MAD1L1: variants seen among roughly 807,000 people sequenced by gnomAD.
MAD1L1 encodes mitotic arrest deficient 1 like 1.
MAD1L1 carries 95 observed loss-of-function variants against 96.9 expected under a neutral mutation model. The observed-to-expected ratio is 0.98, with a 90% confidence interval of 0.83 to 1.16. The LOEUF (loss-of-function observed/expected upper bound fraction) is 1.16. Ranked by LOEUF, MAD1L1 falls within the 50% of genes most tolerant of loss-of-function variation. The pLI is 0.00. For missense variants in MAD1L1, 1,007 were observed against 954.4 expected (o/e 1.06, Z -0.73); for synonymous variants, 473 against 396.6 (o/e 1.19, Z -2.29).
intron 11 of MAD1L1, among the ~76,000 whole-genome samples, chr7:2,134,542 G>A (rs763481718): frequency 4.6e-5 from 7 of 152,156 alleles, no homozygotes; most frequent in South Asian, 2.1e-4. Context: ...TCCTTGCCTC[G>A]TGCCTGATCT....
chr7:1,980,698 G>C (rs956562721), intron 14 of MAD1L1, 157 bp from the exon 15 acceptor site: 9 of 714,964 alleles, frequency 1.3e-5, no homozygotes, highest in Non-Finnish European at 2.1e-5. Flanking sequence ...GAAGCTGCCA[G>C]GCCAGACAGC....
At chr7:1,914,496 G>C (rs1162992550) in intron 17 of MAD1L1, among the ~76,000 whole-genome samples, 4 of 152,254 alleles carry the variant, frequency 2.6e-5, no homozygotes, top group Admixed American at 2.0e-4. Flanking sequence ...CTGGGAGCCA[G>C]AAAAGGCCGG....
chr7:1,966,901 A>G (rs1780194287), intron 15 of MAD1L1, among the ~76,000 whole-genome samples: 1 of 152,242 alleles, frequency 6.6e-6, no homozygotes, highest in Admixed American at 6.5e-5. Flanking sequence ...CCCGAGGGAA[A>G]CCGTGAGGAA....
intron 12 of MAD1L1, among the ~76,000 whole-genome samples, chr7:2,043,139 G>A (rs1443913079): frequency 1.3e-5 from 2 of 152,198 alleles, no homozygotes; most frequent in Non-Finnish European, 2.9e-5. Context: ...GTAAGGGGGG[G>A]CCTGAATGGA....
chr7:1,921,184 C>T (rs1788772338), intron 17 of MAD1L1, among the ~76,000 whole-genome samples: 1 of 152,240 alleles, frequency 6.6e-6, no homozygotes, highest in Non-Finnish European at 1.5e-5. Context: ...GGAGGCGGCC[C>T]TGAGGCGCCC....
chr7:2,154,263 C>T (rs1413671676), intron 10 of MAD1L1, among the ~76,000 whole-genome samples: 1 of 152,218 alleles, frequency 6.6e-6, no homozygotes, highest in Non-Finnish European at 1.5e-5. Flanking sequence ...CACGTCTTCA[C>T]TCATGGGAGC....
In MAD1L1 at chr7:2,014,588, C is replaced by A. The variant is rs34682749; in HGVS notation, c.1273G>T (p.Ala425Ser). The change falls in exon 13 of 19, where the codon GCC becomes TCC. Residue 425 changes from alanine (A) to serine (S), a missense_variant. Transcript: ENST00000265854. ...CGCGTCAGCTGGGGTGAGTACTCGGCCGGGGTCAGCTCGCTGTCGTAGGAC... is the reference window on the plus strand; with the variant it reads ...CGCGTCAGCTGGGGTGAGTACTCGGACGGGGTCAGCTCGCTGTCGTAGGAC... The part of the protein sequence containing the change: ...LGSYDSELTP[A>S]EYSPQLTRRM... 6 of 1,612,384 alleles carry A rather than the reference C, an allele frequency of 3.7e-6. No individual in the cohort carries two copies. The highest frequency in any genetic ancestry group is 5.1e-6 in the Non-Finnish European group (6 of 1,179,774).
intron 11 of MAD1L1, among the ~76,000 whole-genome samples, chr7:2,147,196 G>C (rs957260783): frequency 2.0e-5 from 3 of 152,216 alleles, no homozygotes; most frequent in Non-Finnish European, 2.9e-5. Flanking sequence ...GAGATGAAGA[G>C]AGGACCAGGT....
At chr7:2,132,889 G>C (rs911494757) in intron 11 of MAD1L1, among the ~76,000 whole-genome samples, 1 of 152,200 alleles carries the variant, frequency 6.6e-6, no homozygotes, top group African/African-American at 2.4e-5. Flanking sequence ...GAGGGGTTTG[G>C]GCCATGGGGG....
At position 2,128,463 on chromosome 7, in the gene MAD1L1, C is replaced by T. The variant is rs373215759; in HGVS notation, c.1073+20689G>A. Among the ~76,000 whole-genome samples the T allele has an allele frequency of 1.4e-4, 21 of 152,244 alleles. No individual in the cohort carries two copies. The South Asian group carries it at 1.7e-3, about 12-fold the overall frequency. Reference sequence around the variant, plus strand: ...CGGGAGTCACAAAAAGCACAGAACACGAACAGGAAGGCTGCTTCTGGAAGA... The same window carrying T: ...CGGGAGTCACAAAAAGCACAGAACATGAACAGGAAGGCTGCTTCTGGAAGA... On this transcript the variant is annotated intron_variant, in intron 11 of 18. Transcript: ENST00000265854.
chr7:2,118,797 TC>T (rs1787840952), intron 11 of MAD1L1, among the ~76,000 whole-genome samples: 1 of 152,124 alleles, frequency 6.6e-6, no homozygotes, highest in Non-Finnish European at 1.5e-5. Flanking sequence ...AAAAGCCACG[TC>T]ATATCTCACA....
At chr7:2,126,116 C>T (rs150264407) in intron 11 of MAD1L1, among the ~76,000 whole-genome samples, 106 of 152,334 alleles carry the variant, frequency 7.0e-4, no homozygotes, top group African/African-American at 2.3e-3. Context: ...TCCTGCCAGG[C>T]GGCCCTCCTG....
chr7:2,085,989 C>T (rs1038788749), intron 11 of MAD1L1, among the ~76,000 whole-genome samples: 13 of 152,186 alleles, frequency 8.5e-5, no homozygotes, highest in Non-Finnish European at 2.9e-5. Context: ...TGTATGAAGG[C>T]CTGGAGGATG....
At chr7:2,007,345 C>T (rs1437497406) in intron 13 of MAD1L1, among the ~76,000 whole-genome samples, 2 of 152,222 alleles carry the variant, frequency 1.3e-5, no homozygotes, top group Admixed American at 6.5e-5. Context: ...CTGGACCCCG[C>T]GTGTTGCCAC....
intron 11 of MAD1L1, among the ~76,000 whole-genome samples, chr7:2,075,408 C>T (rs966026636): frequency 6.6e-6 from 1 of 151,446 alleles, no homozygotes; most frequent in African/African-American, 2.5e-5. Flanking sequence ...GGGCTCTCCC[C>T]TGTTGGGGAT....
chr7:1,860,060 T>A (rs1784458440), intron 18 of MAD1L1, among the ~76,000 whole-genome samples: 1 of 138,184 alleles, frequency 7.2e-6, no homozygotes, highest in South Asian at 2.5e-4. Context: ...AGACCTGACA[T>A]CTGGCGGGGC....
chr7:2,156,434 C>T (rs1208264504), intron 10 of MAD1L1, among the ~76,000 whole-genome samples: 7 of 149,728 alleles, frequency 4.7e-5, no homozygotes, highest in Middle Eastern at 3.4e-3. Context: ...GAATCAAGAC[C>T]CCCCTGAAGG....
rs145831214 is a variant in MAD1L1, at chr7:2,134,591, C to T, written c.1073+14561G>A. On this transcript the variant is annotated intron_variant, in intron 11 of 18. Coordinates refer to ENST00000265854, the MANE Select transcript of MAD1L1 (RefSeq NM_001013836.2). ...TCTAGTTTCTTACTTGGTTTTAAGACGGAAATAGTTGACAAGTAATAAGAA... is the reference window on the plus strand; with the variant it reads ...TCTAGTTTCTTACTTGGTTTTAAGATGGAAATAGTTGACAAGTAATAAGAA... 5.3e-5 allele frequency among the ~76,000 whole-genome samples: 8 copies of T among 152,262 alleles called. No individual in the cohort carries two copies. The East Asian group carries it at 5.8e-4, about 11-fold the overall frequency.
chr7:2,230,000 T>A lies in MAD1L1; in HGVS notation c.134A>T (p.Tyr45Phe). 1 of 1,613,000 alleles carries A rather than the reference T, an allele frequency of 6.2e-7. No homozygotes were observed. Among genetic ancestry groups the A allele is most frequent in the Non-Finnish European group, 8.5e-7 (1 of 1,180,008 alleles). The change falls in exon 3 of 19, where the codon TAC becomes TTC. Residue 45 changes from tyrosine (Y) to phenylalanine (F), a missense_variant. Physicochemically the swap from Tyr to Phe is conservative, Grantham distance 22. Transcript: ENST00000265854. ...GCCACTCACCTGCATGCTCTGCTGG[T>A]ACTGCATCTGCAGAGAACCTGGGGC... is the stretch of plus-strand genomic sequence containing the variant. ...TSAPGSLQMQ[Y>F]QQSMQLEERA...
Sources: gnomAD v4.1 joint callset for allele counts (sites outside exome capture counted in the v4.1 genomes callset) on GRCh38, gnomAD v4.1.1 for gene constraint, MANE v1.5 for transcripts, NCBI Gene and HGNC (gene_info 2026-07-23, HGNC 2026-07-21) for gene names.